KCTD8: variants seen among roughly 807,000 people sequenced by gnomAD.
The protein encoded by KCTD8 is potassium channel tetramerization domain containing 8, also known as BTB/POZ domain-containing protein KCTD8.
Under a neutral mutation model 31.5 loss-of-function variants are expected in KCTD8, and 27 were observed. That is an observed-to-expected ratio of 0.86 (90% CI 0.63 to 1.18). KCTD8 has a LOEUF of 1.18. Among genes scored for constraint, KCTD8 ranks in the 50% most tolerant of loss-of-function variants. The pLI is 0.00. For synonymous variants in KCTD8, 290 were observed against 280.0 expected (o/e 1.04, Z -0.36); for missense variants, 658 against 647.7 (o/e 1.02, Z -0.17).
intron 1 of KCTD8, among the ~76,000 whole-genome samples, chr4:44,393,657 A>G (rs1720425204): frequency 6.6e-6 from 1 of 151,776 alleles, no homozygotes. Flanking sequence ...GGAGTTTATG[A>G]ATGGTAGTTA....
chr4:44,426,339 A>T (rs1436710933), intron 1 of KCTD8, among the ~76,000 whole-genome samples: 1 of 151,688 alleles, frequency 6.6e-6, no homozygotes, highest in Non-Finnish European at 1.5e-5. Context: ...AAATTAAAAA[A>T]CTAGAAGCTT....
At chr4:44,389,319 G>A (rs1560442784) in intron 1 of KCTD8, among the ~76,000 whole-genome samples, 1 of 151,738 alleles carries the variant, frequency 6.6e-6, no homozygotes, top group Non-Finnish European at 1.5e-5. Flanking sequence ...AATGCTTGAG[G>A]TGATGGAAAC....
At chr4:44,254,132 A>G (rs1577576867) in intron 1 of KCTD8, among the ~76,000 whole-genome samples, 1 of 152,064 alleles carries the variant, frequency 6.6e-6, no homozygotes, top group East Asian at 1.9e-4. Context: ...TATTGAAAAC[A>G]CTAACTGGTT....
At chr4:44,203,951 A>T (rs1373146293) in intron 1 of KCTD8, among the ~76,000 whole-genome samples, 1 of 151,982 alleles carries the variant, frequency 6.6e-6, no homozygotes, top group Admixed American at 6.5e-5. Context: ...AATAAAAAAA[A>T]GCATGTGCAA....
chr4:44,410,323 T>A (rs541321514), intron 1 of KCTD8, among the ~76,000 whole-genome samples: 4 of 152,246 alleles, frequency 2.6e-5, no homozygotes, highest in African/African-American at 9.6e-5. Context: ...GTAATACTAA[T>A]CACAATAATA....
intron 1 of KCTD8, among the ~76,000 whole-genome samples, chr4:44,226,194 C>T (rs1035873099): frequency 2.0e-5 from 3 of 152,090 alleles, no homozygotes; most frequent in Admixed American, 1.3e-4. Context: ...CTCCCTTTGG[C>T]CCCCACCTCC....
At chr4:44,179,535 T>C (rs1713317437) in intron 1 of KCTD8, among the ~76,000 whole-genome samples, 1 of 149,528 alleles carries the variant, frequency 6.7e-6, no homozygotes, top group African/African-American at 2.4e-5. Flanking sequence ...ATATATATAT[T>C]CATGTTCTTT....
At chr4:44,209,516 TCA>T (rs898288876) in intron 1 of KCTD8, among the ~76,000 whole-genome samples, 13 of 149,508 alleles carry the variant, frequency 8.7e-5, no homozygotes, top group African/African-American at 1.7e-4. Context: ...ACACACACTC[TCA>T]CACACACACA....
intron 1 of KCTD8, among the ~76,000 whole-genome samples, chr4:44,422,996 T>TAA (rs1366595200): frequency 6.6e-6 from 1 of 152,114 alleles, no homozygotes; most frequent in African/African-American, 2.4e-5. Flanking sequence ...TGTCTGCTTC[T>TAA]GTTTCCAGGG....
At chr4:44,283,902 T>C (rs1462415363) in intron 1 of KCTD8, among the ~76,000 whole-genome samples, 1 of 151,980 alleles carries the variant, frequency 6.6e-6, no homozygotes, top group African/African-American at 2.4e-5. Flanking sequence ...ATAAAATACC[T>C]AGGAATACAA....
At chr4:44,294,640 G>A (rs573928426) in intron 1 of KCTD8, among the ~76,000 whole-genome samples, 6 of 152,172 alleles carry the variant, frequency 3.9e-5, no homozygotes, top group African/African-American at 1.2e-4. Context: ...GGCTTCACTT[G>A]GATTCTCACC....
At chr4:44,220,692 G>A (rs1329278229) in intron 1 of KCTD8, among the ~76,000 whole-genome samples, 2 of 152,150 alleles carry the variant, frequency 1.3e-5, no homozygotes, top group East Asian at 3.9e-4. Context: ...CACTTATGTG[G>A]AGGTGGGGGC....
chr4:44,200,161 T>TA (rs537266889), intron 1 of KCTD8, among the ~76,000 whole-genome samples: 224 of 142,242 alleles, frequency 1.6e-3, no homozygotes, highest in Middle Eastern at 3.7e-3. Flanking sequence ...AATGTTATAA[T>TA]AAAAAAAAAA....
chr4:44,213,161 C>T (rs1186005679), intron 1 of KCTD8, among the ~76,000 whole-genome samples: 8 of 152,166 alleles, frequency 5.3e-5, no homozygotes, highest in Non-Finnish European at 1.2e-4. Context: ...TGGTCTTGAT[C>T]TCCTGACCTC....
At chr4:44,367,738 T>C (rs554222431) in intron 1 of KCTD8, among the ~76,000 whole-genome samples, 1 of 152,262 alleles carries the variant, frequency 6.6e-6, no homozygotes, top group East Asian at 1.9e-4. Flanking sequence ...GGTGCCTTTT[T>C]AAATATCTTT....
chr4:44,323,656 G>T (rs1436820140), intron 1 of KCTD8, among the ~76,000 whole-genome samples: 1 of 151,860 alleles, frequency 6.6e-6, no homozygotes, highest in Non-Finnish European at 1.5e-5. Flanking sequence ...CTGGAAAAAT[G>T]AAAAATTACT....
intron 1 of KCTD8, among the ~76,000 whole-genome samples, chr4:44,223,645 T>C (rs1033969451): frequency 2.0e-5 from 3 of 152,200 alleles, no homozygotes; most frequent in African/African-American, 7.2e-5. Flanking sequence ...AAAAGGTATG[T>C]CAATTATTAG....
At chr4:44,423,993 T>C (rs1411204256) in intron 1 of KCTD8, among the ~76,000 whole-genome samples, 2 of 152,100 alleles carry the variant, frequency 1.3e-5, no homozygotes, top group East Asian at 3.9e-4. Flanking sequence ...CATCCTGAAT[T>C]TGTATCTACT....
At chr4:44,292,221 C>T (rs1344484838) in intron 1 of KCTD8, among the ~76,000 whole-genome samples, 2 of 151,984 alleles carry the variant, frequency 1.3e-5, no homozygotes, top group African/African-American at 2.4e-5. Flanking sequence ...ATGGAATTGA[C>T]CTACGTGCCC....
Sources: allele counts gnomAD v4.1 joint callset (sites outside exome capture counted in the v4.1 genomes callset), GRCh38; gene constraint gnomAD v4.1.1; transcripts MANE v1.5; gene names NCBI Gene and HGNC (gene_info 2026-07-23, HGNC 2026-07-21).